Variants in CDH18 observed in about 807,000 individuals in gnomAD.
CDH18 encodes cadherin-18.
A neutral mutation model predicts 67.9 loss-of-function variants in CDH18; 31 were observed. The ratio of observed to expected loss-of-function variants is 0.46; its 90% CI spans 0.34 to 0.62. The LOEUF (loss-of-function observed/expected upper bound fraction) is 0.62. Among genes scored for constraint, CDH18 ranks in the 20% least tolerant of loss-of-function variants. CDH18 has a pLI of 0.01. For missense variants in CDH18, 890 were observed against 975.5 expected (o/e 0.91, Z 1.17); for synonymous variants, 362 against 347.2 (o/e 1.04, Z -0.48).
chr5:19,505,770 T>C (rs1402766392), intron 10 of CDH18, among the ~76,000 whole-genome samples: 4 of 152,280 alleles, frequency 2.6e-5, no homozygotes, highest in Non-Finnish European at 5.9e-5. Flanking sequence ...GATATTGGTC[T>C]AAAATTCTCT....
intron 1 of CDH18, among the ~76,000 whole-genome samples, chr5:20,381,275 T>C (rs1383164628): frequency 6.6e-6 from 1 of 152,174 alleles, no homozygotes; most frequent in Non-Finnish European, 1.5e-5. Flanking sequence ...TATGTTGTTA[T>C]AGCAGTCCTA....
At chr5:20,015,422 A>T (rs1478339586) in intron 2 of CDH18, among the ~76,000 whole-genome samples, 1 of 152,156 alleles carries the variant, frequency 6.6e-6, no homozygotes, top group Non-Finnish European at 1.5e-5. Flanking sequence ...ATCTCAGAGC[A>T]GCGGTTATGC....
At chr5:19,831,648 G>C (rs1220466183) in intron 3 of CDH18, among the ~76,000 whole-genome samples, 1 of 151,920 alleles carries the variant, frequency 6.6e-6, no homozygotes, top group African/African-American at 2.4e-5. Context: ...ATACACTCTT[G>C]GTGGGAATGT....
intron 3 of CDH18, among the ~76,000 whole-genome samples, chr5:19,797,518 A>G (rs1244337503): frequency 6.6e-6 from 1 of 152,016 alleles, no homozygotes; most frequent in African/African-American, 2.4e-5. Context: ...AGGATAGAAG[A>G]TCATCAAACA....
At chr5:19,936,238 A>T (rs1235438279) in intron 2 of CDH18, among the ~76,000 whole-genome samples, 1 of 151,286 alleles carries the variant, frequency 6.6e-6, no homozygotes, top group Non-Finnish European at 1.5e-5. Context: ...CCTTCGGTAT[A>T]AAAAGTGCAA....
chr5:20,004,111 G>A (rs530509173), intron 2 of CDH18, among the ~76,000 whole-genome samples: 3 of 152,188 alleles, frequency 2.0e-5, no homozygotes, highest in South Asian at 4.1e-4. Context: ...AACTTCTAGG[G>A]ATTGTCCTTC....
chr5:20,348,913 A>G (rs1160358127), intron 1 of CDH18, among the ~76,000 whole-genome samples: 2 of 152,172 alleles, frequency 1.3e-5, no homozygotes, highest in Non-Finnish European at 2.9e-5. Context: ...TTTTGATATA[A>G]GGTCCAGAAG....
intron 2 of CDH18, among the ~76,000 whole-genome samples, chr5:19,916,976 G>A (rs1791867433): frequency 6.6e-6 from 1 of 151,204 alleles, no homozygotes; most frequent in Non-Finnish European, 1.5e-5. Context: ...TTAAAATGAT[G>A]ACACATTAAA....
intron 2 of CDH18, among the ~76,000 whole-genome samples, chr5:19,847,179 T>C (rs1233023918): frequency 6.6e-6 from 1 of 152,146 alleles, no homozygotes; most frequent in African/African-American, 2.4e-5. Context: ...TTTCCAATGT[T>C]TTGGAAGTTT....
chr5:20,407,660 A>G (rs1746400408), intron 1 of CDH18, among the ~76,000 whole-genome samples: 1 of 152,030 alleles, frequency 6.6e-6, no homozygotes, highest in South Asian at 2.1e-4. Flanking sequence ...AAACAGAAGA[A>G]TGTAACACTA....
chr5:19,627,567 T>C (rs1040165848), intron 5 of CDH18, among the ~76,000 whole-genome samples: 3 of 152,218 alleles, frequency 2.0e-5, no homozygotes, highest in Non-Finnish European at 4.4e-5. Context: ...CAATTGACTA[T>C]GTGGAATTTC....
intron 1 of CDH18, among the ~76,000 whole-genome samples, chr5:20,569,039 AG>A (rs1480631834): frequency 2.0e-5 from 3 of 152,186 alleles, no homozygotes; most frequent in Non-Finnish European, 4.4e-5. Context: ...TCTATTTTGA[AG>A]GGGCTTATAC....
At chr5:19,555,334 G>T (rs1017337315) in intron 8 of CDH18, among the ~76,000 whole-genome samples, 1 of 152,206 alleles carries the variant, frequency 6.6e-6, no homozygotes, top group African/African-American at 2.4e-5. Context: ...GGAATTGTGA[G>T]TTGGCTTGCT....
intron 1 of CDH18, among the ~76,000 whole-genome samples, chr5:20,408,050 A>G (rs1398897397): frequency 6.6e-6 from 1 of 152,092 alleles, no homozygotes; most frequent in East Asian, 1.9e-4. Context: ...GGGAATCTCC[A>G]TAACAATATC....
intron 1 of CDH18, among the ~76,000 whole-genome samples, chr5:20,471,467 T>C (rs1327573994): frequency 4.6e-5 from 7 of 152,120 alleles, no homozygotes; most frequent in South Asian, 2.1e-4. Flanking sequence ...TCCACATTGG[T>C]TTCCCATTCA....
At chr5:19,561,730 G>GA (rs1045390849) in intron 8 of CDH18, among the ~76,000 whole-genome samples, 2 of 152,018 alleles carry the variant, frequency 1.3e-5, no homozygotes, top group African/African-American at 2.4e-5. Flanking sequence ...TGGCCTAGGG[G>GA]AAAAAATCAT....
chr5:19,511,433 G>A (rs184002348), intron 10 of CDH18, among the ~76,000 whole-genome samples: 3 of 152,246 alleles, frequency 2.0e-5, no homozygotes, highest in East Asian at 3.9e-4. Flanking sequence ...GAACAGTTTG[G>A]AGGGCTTAGA....
At chr5:19,474,349 T>C (rs978619591) in intron 12 of CDH18, among the ~76,000 whole-genome samples, 1 of 152,170 alleles carries the variant, frequency 6.6e-6, no homozygotes, top group African/African-American at 2.4e-5. Flanking sequence ...ACTTGTTTCA[T>C]AGGAATTTTT....
chr5:19,847,246 T>C (rs964621207), intron 2 of CDH18, among the ~76,000 whole-genome samples: 4 of 152,224 alleles, frequency 2.6e-5, no homozygotes, highest in Non-Finnish European at 5.9e-5. Flanking sequence ...CTTATTTTTA[T>C]TGGAATCTCA....
Sources: gnomAD v4.1 joint callset for allele counts (sites outside exome capture counted in the v4.1 genomes callset) on GRCh38, gnomAD v4.1.1 for gene constraint, MANE v1.5 for transcripts, NCBI Gene and HGNC (gene_info 2026-07-23, HGNC 2026-07-21) for gene names.